FTO: variants seen among roughly 807,000 people sequenced by gnomAD.
FTO encodes the protein FTO alpha-ketoglutarate dependent dioxygenase.
A neutral mutation model predicts 63.9 loss-of-function variants in FTO; 47 were observed. The observed-to-expected ratio is 0.74, with a 90% CI of 0.58 to 0.94. FTO has a LOEUF of 0.94. FTO is among the 40% of genes least tolerant of loss of function. FTO has a pLI of 0.00. For missense variants in FTO, 562 were observed against 618.1 expected (o/e 0.91, Z 0.96); for synonymous variants, 207 against 224.4 (o/e 0.92, Z 0.69).
intron 7 of FTO, among the ~76,000 whole-genome samples, chr16:53,918,115 C>A (rs1275293160): frequency 6.6e-6 from 1 of 151,960 alleles, no homozygotes; most frequent in African/African-American, 2.4e-5. Context: ...ATCTTTGTTC[C>A]TACAGGTCTA....
At position 53,803,179 on chromosome 16, in the gene FTO, CT is replaced by C. The variant is rs1168706745; in HGVS notation, c.46-6958del. Among the ~76,000 whole-genome samples, 6 of 152,290 alleles carry C rather than the reference CT, an allele frequency of 3.9e-5. No individual in the cohort carries two copies. In the East Asian group the frequency reaches 1.2e-3, roughly 29 times the overall value. On this transcript the variant is annotated intron_variant, in intron 1 of 8. Transcript: ENST00000471389. ...GTGCTGGATTTTGTGCTTGCTGTTC[CT>C]TTAAGTAACTCATTTATGTTACTTG...
intron 8 of FTO, among the ~76,000 whole-genome samples, chr16:53,967,618 A>G (rs1281377929): frequency 1.3e-5 from 2 of 152,258 alleles, no homozygotes; most frequent in African/African-American, 4.8e-5. Flanking sequence ...AAGCAAGTGC[A>G]TATTTCCAAA....
At chr16:53,820,978 A>G (rs1323700920) in intron 2 of FTO, among the ~76,000 whole-genome samples, 4 of 152,108 alleles carry the variant, frequency 2.6e-5, no homozygotes, top group East Asian at 1.9e-4. Context: ...TTCCCATGCC[A>G]TTATTTTCTT....
At chr16:53,835,833 A>G (rs906560799) in intron 3 of FTO, among the ~76,000 whole-genome samples, 1 of 146,228 alleles carries the variant, frequency 6.8e-6, no homozygotes, top group Non-Finnish European at 1.5e-5. Flanking sequence ...TTCAATCTTT[A>G]TGTTTGTTTT....
intron 8 of FTO, among the ~76,000 whole-genome samples, chr16:54,060,114 C>T (rs943065053): frequency 4.6e-5 from 7 of 152,142 alleles, no homozygotes; most frequent in Non-Finnish European, 7.3e-5. Context: ...CCTTACTTCT[C>T]TTCCAACTTG....
chr16:53,751,070 T>C (rs1470443465), intron 1 of FTO, among the ~76,000 whole-genome samples: 2 of 152,172 alleles, frequency 1.3e-5, no homozygotes, highest in Non-Finnish European at 2.9e-5. Flanking sequence ...ATCTTTTGGC[T>C]TCCCTGGGCC....
At chr16:54,012,604 C>T (rs2084355710) in intron 8 of FTO, among the ~76,000 whole-genome samples, 2 of 152,190 alleles carry the variant, frequency 1.3e-5, no homozygotes, top group Non-Finnish European at 2.9e-5. Context: ...GACCTCAAAG[C>T]TTCACAGGAC....
intron 1 of FTO, among the ~76,000 whole-genome samples, chr16:53,786,406 C>T (rs997672838): frequency 6.6e-6 from 1 of 152,128 alleles, no homozygotes; most frequent in Admixed American, 6.5e-5. Flanking sequence ...AATGGCAACA[C>T]ACACTCTGTA....
At chr16:53,810,540 G>T (rs1296305594) in intron 2 of FTO, among the ~76,000 whole-genome samples, 1 of 152,064 alleles carries the variant, frequency 6.6e-6, no homozygotes, top group Non-Finnish European at 1.5e-5. Flanking sequence ...TTCTTCAAGA[G>T]TTCAGTTAAA....
Position 54,007,502 on chromosome 16 carries a change from A to AGG in FTO, c.1364+73393_1364+73394insGG, listed in dbSNP as rs1298833758. On this transcript the variant is annotated intron_variant, in intron 8 of 8. Coordinates refer to ENST00000471389, the MANE Select transcript of FTO (RefSeq NM_001080432.3). ...GGAAATATAAGAGTACCCACCTCCT[A>AGG]AGGTGGGCTTATGAATTAATAGATA... is the stretch of plus-strand genomic sequence containing the variant. Among the ~76,000 whole-genome samples the AGG allele has an allele frequency of 5.3e-4, 80 of 152,282 alleles. 1 individual carries two copies. The highest frequency in any genetic ancestry group is 1.8e-3 in the African/African-American group (74 of 41,562).
intron 8 of FTO, among the ~76,000 whole-genome samples, chr16:54,080,154 A>G (rs1302401373): frequency 1.3e-5 from 2 of 152,152 alleles, no homozygotes; most frequent in East Asian, 3.9e-4. Flanking sequence ...TGGGAGGCTG[A>G]AACAGGAGGA....
intron 8 of FTO, among the ~76,000 whole-genome samples, chr16:54,029,566 C>T (rs1199639991): frequency 6.6e-6 from 1 of 152,166 alleles, no homozygotes; most frequent in East Asian, 1.9e-4. Context: ...TAACTCTCTT[C>T]CTACCGTCTT....
At chr16:54,058,198 G>A (rs1202466203) in intron 8 of FTO, among the ~76,000 whole-genome samples, 6 of 152,156 alleles carry the variant, frequency 3.9e-5, no homozygotes, top group South Asian at 4.2e-4. Context: ...AACCTCCGCC[G>A]CCTCCAGGGT....
intron 6 of FTO, among the ~76,000 whole-genome samples, chr16:53,884,893 T>G (rs775514006): frequency 2.6e-5 from 4 of 152,220 alleles, no homozygotes; most frequent in African/African-American, 7.2e-5. Flanking sequence ...TCCCTGCTAT[T>G]GAGGTCTTCA....
At chr16:54,017,514 C>T (rs1156481207) in intron 8 of FTO, among the ~76,000 whole-genome samples, 5 of 152,154 alleles carry the variant, frequency 3.3e-5, no homozygotes, top group African/African-American at 4.8e-5. Context: ...CACTCTTAGG[C>T]GCTTCTAGGC....
intron 8 of FTO, among the ~76,000 whole-genome samples, chr16:54,056,321 T>C (rs1318496500): frequency 6.6e-6 from 1 of 152,204 alleles, no homozygotes; most frequent in Non-Finnish European, 1.5e-5. Flanking sequence ...TCATATACCT[T>C]GCTTCCCACT....
At chr16:53,896,531 C>T (rs185738894) in intron 7 of FTO, among the ~76,000 whole-genome samples, 100 of 152,160 alleles carry the variant, frequency 6.6e-4, no homozygotes, top group African/African-American at 2.2e-3. Flanking sequence ...GGAATATTAT[C>T]AAGATGTTAG....
At chr16:53,730,571 T>G (rs1400485103) in intron 1 of FTO, among the ~76,000 whole-genome samples, 1 of 152,146 alleles carries the variant, frequency 6.6e-6, no homozygotes, top group African/African-American at 2.4e-5. Flanking sequence ...CATGGCTCAC[T>G]GCAGCCTCAA....
chr16:53,961,929 T>TCAGG (rs1348323612), intron 8 of FTO, among the ~76,000 whole-genome samples: 68 of 152,236 alleles, frequency 4.5e-4, no homozygotes, highest in African/African-American at 1.5e-3. Flanking sequence ...CTGGGAGTCC[T>TCAGG]TGAACACCTC....
Sources: gnomAD v4.1 joint callset for allele counts (sites outside exome capture counted in the v4.1 genomes callset) on GRCh38, gnomAD v4.1.1 for gene constraint, MANE v1.5 for transcripts, NCBI Gene and HGNC (gene_info 2026-07-23, HGNC 2026-07-21) for gene names.